SMOC2: variants seen among roughly 807,000 people sequenced by gnomAD.
The protein encoded by SMOC2 is SPARC-related modular calcium-binding protein 2.
In SMOC2, 39 loss-of-function variants were observed where a neutral mutation model predicts 61.4. That is an observed-to-expected ratio of 0.64 (90% confidence interval 0.49 to 0.83). The LOEUF is 0.83. Among genes scored for constraint, SMOC2 ranks in the 40% least tolerant of loss-of-function variants. SMOC2 has a pLI of 0.00. For missense variants in SMOC2, 556 were observed against 592.9 expected, an observed-to-expected ratio of 0.94 and a Z score of 0.65; for synonymous variants, 247 against 239.9, an observed-to-expected ratio of 1.03 and a Z score of -0.27.
chr6:168,606,607 GA>G (rs1283894618), intron 8 of SMOC2, among the ~76,000 whole-genome samples: 2 of 152,056 alleles, frequency 1.3e-5, no homozygotes, highest in East Asian at 1.9e-4. Flanking sequence ...TGTAAGCAAT[GA>G]AAAAAATAGA....
intron 1 of SMOC2, among the ~76,000 whole-genome samples, chr6:168,481,208 A>C (rs912349061): frequency 2.6e-5 from 4 of 152,078 alleles, no homozygotes; most frequent in South Asian, 2.1e-4. Flanking sequence ...ATGGTTTAAA[A>C]CTCTACATTT....
At chr6:168,571,150 A>G (rs1784656669) in intron 7 of SMOC2, among the ~76,000 whole-genome samples, 1 of 152,236 alleles carries the variant, frequency 6.6e-6, no homozygotes, top group Non-Finnish European at 1.5e-5. Context: ...GGTTCTGCTG[A>G]GGTGCAAGAT....
chr6:168,638,130 C>T (rs73789159), intron 9 of SMOC2, among the ~76,000 whole-genome samples: 20,140 of 151,890 alleles, frequency 0.13, 1,552 homozygotes, highest in South Asian at 0.19. Context: ...CCCACACACT[C>T]GCTGGCCAGC....
intron 9 of SMOC2, among the ~76,000 whole-genome samples, chr6:168,622,463 A>G (rs1340208127): frequency 2.0e-5 from 3 of 150,476 alleles, no homozygotes; most frequent in Non-Finnish European, 4.4e-5. Context: ...GTGCCTGGCA[A>G]GTCTCCCCTT....
intron 5 of SMOC2, among the ~76,000 whole-genome samples, chr6:168,545,401 T>C (rs1783970247): frequency 6.6e-6 from 1 of 152,190 alleles, no homozygotes; most frequent in African/African-American, 2.4e-5. Flanking sequence ...AATAAGACAC[T>C]TCACACACTC....
At chr6:168,613,774 C>T (rs188706872) in intron 9 of SMOC2, among the ~76,000 whole-genome samples, 2 of 106,876 alleles carry the variant, frequency 1.9e-5, no homozygotes, top group Admixed American at 9.0e-5. Flanking sequence ...CAGCACAGGG[C>T]CTCTTCACAC....
chr6:168,528,637 TG>T (rs1326095933), intron 4 of SMOC2, among the ~76,000 whole-genome samples: 2 of 152,240 alleles, frequency 1.3e-5, no homozygotes, highest in African/African-American at 4.8e-5. Context: ...CCAGAACTCA[TG>T]ACCTCTGTGG....
chr6:168,607,586 T>TC (rs369316391), intron 8 of SMOC2, among the ~76,000 whole-genome samples: 2 of 36,234 alleles, frequency 5.5e-5, no homozygotes, highest in Non-Finnish European at 1.2e-4. Context: ...CAGAGAGTCG[T>TC]TTTTTTTTTT....
At chr6:168,577,753 A>G (rs1235969430) in intron 7 of SMOC2, among the ~76,000 whole-genome samples, 1 of 152,188 alleles carries the variant, frequency 6.6e-6, no homozygotes, top group Non-Finnish European at 1.5e-5. Context: ...TGAGGGCAAC[A>G]CATCGACAGA....
Position 168,458,422 on chromosome 6 carries a change from A to G in SMOC2, c.84+16968A>G, listed in dbSNP as rs1341748505. Among the ~76,000 whole-genome samples, 7 of 152,030 alleles carry G rather than the reference A, an allele frequency of 4.6e-5. No homozygotes were observed. The East Asian group carries it at 1.4e-3, about 29-fold the overall frequency. On this transcript the variant is annotated intron_variant, in intron 1 of 12. Coordinates refer to ENST00000356284, the MANE Select transcript of SMOC2 (RefSeq NM_001166412.2). ...CCTGGGGGTCCTGGGCTTTGGCGTC[A>G]CCAGTTCTGTTGTGAGTCCTGGATT...
At chr6:168,496,956 G>A (rs913920325) in intron 1 of SMOC2, among the ~76,000 whole-genome samples, 3 of 152,242 alleles carry the variant, frequency 2.0e-5, no homozygotes, top group African/African-American at 7.2e-5. Flanking sequence ...AGCCCCCACC[G>A]CCTCTCCTCC....
At chr6:168,599,694 A>T (rs1246111908) in intron 8 of SMOC2, among the ~76,000 whole-genome samples, 5 of 120,352 alleles carry the variant, frequency 4.2e-5, no homozygotes, top group East Asian at 2.7e-4. Flanking sequence ...TCACACTCTC[A>T]CACACACACC....
intron 11 of SMOC2, among the ~76,000 whole-genome samples, chr6:168,658,717 G>A (rs1787389578): frequency 6.6e-6 from 1 of 152,174 alleles, no homozygotes; most frequent in East Asian, 1.9e-4. Context: ...TATGGTGACA[G>A]AATTTTGAAA....
At chr6:168,514,379 C>T (rs754361512) in intron 2 of SMOC2, among the ~76,000 whole-genome samples, 3 of 152,170 alleles carry the variant, frequency 2.0e-5, no homozygotes, top group South Asian at 2.1e-4. Context: ...GACAACTGTC[C>T]GGGGATAACG....
intron 1 of SMOC2, among the ~76,000 whole-genome samples, chr6:168,448,658 G>A (rs1356554725): frequency 6.6e-6 from 1 of 152,042 alleles, no homozygotes; most frequent in Non-Finnish European, 1.5e-5. Context: ...GATGGTGCTG[G>A]CTACCCTGTC....
intron 9 of SMOC2, among the ~76,000 whole-genome samples, chr6:168,627,099 A>T (rs1786432613): frequency 6.6e-6 from 1 of 152,194 alleles, no homozygotes; most frequent in Non-Finnish European, 1.5e-5. Context: ...CAAGAAAAAT[A>T]TGTATAGAAA....
chr6:168,573,821 A>G (rs558405684), intron 7 of SMOC2, among the ~76,000 whole-genome samples: 1 of 152,198 alleles, frequency 6.6e-6, no homozygotes, highest in African/African-American at 2.4e-5. Context: ...TGTCCATCCC[A>G]CTAACGATCC....
In SMOC2 at chr6:168,585,297, G is replaced by C. The variant is rs139484596; in HGVS notation, c.638-13521G>C. On this transcript the variant is annotated intron_variant, in intron 7 of 12. Coordinates refer to ENST00000356284, the MANE Select transcript of SMOC2 (RefSeq NM_001166412.2). ...TCTGTTCTGGAGTTTCATGTAAATG[G>C]AATCAAGCATAAGTACCCCTTTGTT... 2.2e-3 allele frequency among the ~76,000 whole-genome samples: 330 copies of C among 152,252 alleles called. 3 individuals are homozygous for C. Among genetic ancestry groups the C allele is most frequent in the African/African-American group, 7.0e-3 (291 of 41,554 alleles).
intron 7 of SMOC2, among the ~76,000 whole-genome samples, chr6:168,588,515 C>T (rs1036787911): frequency 1.3e-5 from 2 of 152,146 alleles, no homozygotes; most frequent in African/African-American, 2.4e-5. Context: ...GGCCCCACCC[C>T]CAAATGCCAT....
Sources: allele counts gnomAD v4.1 joint callset (sites outside exome capture counted in the v4.1 genomes callset), GRCh38; gene constraint gnomAD v4.1.1; transcripts MANE v1.5; gene names NCBI Gene and HGNC (gene_info 2026-07-23, HGNC 2026-07-21).